CTNND2: variants seen among roughly 807,000 people sequenced by gnomAD.
The protein encoded by CTNND2 is catenin delta 2, also known as catenin delta-2.
Under a neutral mutation model 144.4 loss-of-function variants are expected in CTNND2, and 22 were observed. The observed-to-expected ratio is 0.15, with a 90% CI of 0.11 to 0.22. The LOEUF (loss-of-function observed/expected upper bound fraction) is 0.22. Among genes scored for constraint, CTNND2 ranks in the 10% least tolerant of loss-of-function variants. CTNND2 has a pLI of 1.00. For missense variants in CTNND2, 1,353 were observed against 1,618.8 expected (o/e 0.84, Z 2.82); for synonymous variants, 751 against 695.6 (o/e 1.08, Z -1.25).
chr5:11,471,351 A>G (rs572546135), intron 3 of CTNND2, among the ~76,000 whole-genome samples: 1 of 152,260 alleles, frequency 6.6e-6, no homozygotes, highest in South Asian at 2.1e-4. Flanking sequence ...TACAGATTTT[A>G]TAGTCTAAAA....
chr5:10,993,182 C>T (rs1020171162), intron 18 of CTNND2, among the ~76,000 whole-genome samples: 19 of 152,274 alleles, frequency 1.2e-4, no homozygotes, highest in African/African-American at 4.6e-4. Context: ...TGCCCACCCT[C>T]GCCTGTCTCC....
intron 16 of CTNND2, among the ~76,000 whole-genome samples, chr5:11,061,727 A>G (rs2149596464): frequency 6.9e-6 from 1 of 144,926 alleles, no homozygotes; most frequent in South Asian, 2.1e-4. Context: ...TTTTTTTTTT[A>G]GACAAAGTTT....
At chr5:11,778,857 G>A (rs1237453395) in intron 1 of CTNND2, among the ~76,000 whole-genome samples, 1 of 152,126 alleles carries the variant, frequency 6.6e-6, no homozygotes, top group East Asian at 1.9e-4. Flanking sequence ...GAGGAAAGTG[G>A]GTGTGAGTCA....
chr5:11,365,002 A>T, intron 7 of CTNND2, 112 bp from the exon 8 acceptor site: 1 of 846,082 alleles, frequency 1.2e-6, no homozygotes, highest in Non-Finnish European at 1.9e-6. Flanking sequence ...ATTCCCAGGA[A>T]ACCAAATGAA....
intron 2 of CTNND2, among the ~76,000 whole-genome samples, chr5:11,639,020 TAA>T (rs1202492522): frequency 2.0e-5 from 3 of 152,078 alleles, no homozygotes; most frequent in Non-Finnish European, 4.4e-5. Flanking sequence ...ATCAAAGAAA[TAA>T]GACATTGTGA....
At chr5:11,658,732 C>A (rs1264437812) in intron 2 of CTNND2, among the ~76,000 whole-genome samples, 4 of 152,118 alleles carry the variant, frequency 2.6e-5, no homozygotes, top group African/African-American at 9.7e-5. Context: ...GAGGAAGTGA[C>A]AAATTAGTGA....
chr5:11,757,098 A>G (rs1232284600), intron 1 of CTNND2, among the ~76,000 whole-genome samples: 1 of 151,716 alleles, frequency 6.6e-6, no homozygotes, highest in Admixed American at 6.6e-5. Context: ...GTATTCTGCT[A>G]GTTTTCCCCT....
chr5:11,383,758 C>T (rs61749851), intron 7 of CTNND2, among the ~76,000 whole-genome samples: 27,828 of 152,212 alleles, frequency 0.18, 2,944 homozygotes, highest in Non-Finnish European at 0.25. Flanking sequence ...ATTACCAAAT[C>T]CTTCTGTAAG....
intron 15 of CTNND2, among the ~76,000 whole-genome samples, chr5:11,091,723 A>T (rs1210168415): frequency 6.6e-6 from 1 of 152,178 alleles, no homozygotes; most frequent in African/African-American, 2.4e-5. Context: ...GACCCTACTG[A>T]CTATTCTCCC....
intron 11 of CTNND2, among the ~76,000 whole-genome samples, chr5:11,187,604 TG>T (rs1560991773): frequency 6.6e-6 from 1 of 151,960 alleles, no homozygotes; most frequent in African/African-American, 2.4e-5. Context: ...AATTGACAAA[TG>T]GGATCTAATT....
chr5:11,883,220 T>C (rs150723637), intron 1 of CTNND2, among the ~76,000 whole-genome samples: 70 of 152,322 alleles, frequency 4.6e-4, no homozygotes, highest in African/African-American at 1.6e-3. Flanking sequence ...CTGGGATACA[T>C]GTGCAGAATG....
intron 3 of CTNND2, among the ~76,000 whole-genome samples, chr5:11,544,935 C>T (rs978532052): frequency 2.0e-5 from 3 of 151,600 alleles, no homozygotes; most frequent in African/African-American, 7.3e-5. Context: ...TGACAAACAC[C>T]ATGAAACCCC....
At chr5:11,555,773 A>C (rs1040114499) in intron 3 of CTNND2, among the ~76,000 whole-genome samples, 1 of 152,212 alleles carries the variant, frequency 6.6e-6, no homozygotes, top group African/African-American at 2.4e-5. Flanking sequence ...ATGATTCATA[A>C]GGAGATTTTT....
At chr5:11,450,454 T>C (rs976539601) in intron 3 of CTNND2, among the ~76,000 whole-genome samples, 1 of 152,220 alleles carries the variant, frequency 6.6e-6, no homozygotes, top group African/African-American at 2.4e-5. Flanking sequence ...CAATTATCCA[T>C]GCACCCAATA....
At chr5:11,815,946 G>A (rs1792610265) in intron 1 of CTNND2, among the ~76,000 whole-genome samples, 1 of 152,204 alleles carries the variant, frequency 6.6e-6, no homozygotes. Flanking sequence ...GATACCCACT[G>A]AGATACATGG....
intron 16 of CTNND2, among the ~76,000 whole-genome samples, chr5:11,024,353 C>A (rs1335549580): frequency 1.3e-5 from 2 of 152,188 alleles, no homozygotes; most frequent in African/African-American, 4.8e-5. Flanking sequence ...GGTTTGCCTG[C>A]AAACCCCCAA....
At chr5:11,166,059 A>T (rs1191146608) in intron 11 of CTNND2, among the ~76,000 whole-genome samples, 1 of 152,186 alleles carries the variant, frequency 6.6e-6, no homozygotes, top group East Asian at 1.9e-4. Context: ...CCCAAAGGAA[A>T]GCTGGGCTTC....
chr5:11,409,325 T>C (rs971470756), intron 5 of CTNND2, among the ~76,000 whole-genome samples: 5 of 152,066 alleles, frequency 3.3e-5, no homozygotes, highest in Non-Finnish European at 5.9e-5. Context: ...CTTTATCTTC[T>C]AGTAGCTGGT....
intron 7 of CTNND2, among the ~76,000 whole-genome samples, chr5:11,370,117 A>G (rs1269561516): frequency 6.6e-6 from 1 of 152,104 alleles, no homozygotes; most frequent in African/African-American, 2.4e-5. Context: ...ATTCAATGGG[A>G]GATCACATAA....
Sources: gnomAD v4.1 joint callset for allele counts (sites outside exome capture counted in the v4.1 genomes callset) on GRCh38, gnomAD v4.1.1 for gene constraint, MANE v1.5 for transcripts, NCBI Gene and HGNC (gene_info 2026-07-23, HGNC 2026-07-21) for gene names.